Variants in RUBCN observed in about 807,000 individuals in gnomAD.
The protein encoded by RUBCN is run domain Beclin-1-interacting and cysteine-rich domain-containing protein.
Under a neutral mutation model 113.2 loss-of-function variants are expected in RUBCN, and 74 were observed. The ratio of observed to expected loss-of-function variants is 0.65; its 90% CI spans 0.54 to 0.79. RUBCN has a LOEUF of 0.79. RUBCN is among the 30% of genes least tolerant of loss of function. The pLI, the probability that RUBCN is intolerant of heterozygous loss-of-function variation, is 0.00. For missense variants in RUBCN, 1,109 were observed against 1,251.7 expected, an observed-to-expected ratio of 0.89 and a Z score of 1.72; for synonymous variants, 480 against 490.0, an observed-to-expected ratio of 0.98 and a Z score of 0.27.
chr3:197,717,163 G>T (rs1016826522), intron 2 of RUBCN, among the ~76,000 whole-genome samples: 3 of 148,636 alleles, frequency 2.0e-5, no homozygotes, highest in African/African-American at 5.0e-5. Flanking sequence ...AGCTGGGTGC[G>T]GTGGCTCACG....
intron 16 of RUBCN, among the ~76,000 whole-genome samples, 154 bp from the exon 17 acceptor site, chr3:197,677,695 C>T (rs894806448): frequency 2.6e-5 from 4 of 152,238 alleles, no homozygotes; most frequent in Admixed American, 2.6e-4. Flanking sequence ...TGGCTCCAGA[C>T]TGTCCTATGC....
upstream of RUBCN, among the ~76,000 whole-genome samples, chr3:197,739,314 C>G (rs1191141744): frequency 7.1e-6 from 1 of 139,962 alleles, no homozygotes; most frequent in African/African-American, 2.7e-5. Context: ...TGGCTTGAAC[C>G]CAGGAGGCAG....
intron 2 of RUBCN, among the ~76,000 whole-genome samples, chr3:197,707,192 C>T (rs1724404584): frequency 6.6e-6 from 1 of 151,736 alleles, no homozygotes; most frequent in South Asian, 2.1e-4. Context: ...ATTAGCTGGG[C>T]GTGGTGGTGG....
chr3:197,716,786 G>T (rs577273478), intron 2 of RUBCN, among the ~76,000 whole-genome samples: 2 of 152,228 alleles, frequency 1.3e-5, no homozygotes, highest in African/African-American at 4.8e-5. Flanking sequence ...TCATAAGGAG[G>T]GGGGTAGGCA....
At chr3:197,727,294 C>A (rs1368300878) in intron 1 of RUBCN, among the ~76,000 whole-genome samples, 1 of 152,218 alleles carries the variant, frequency 6.6e-6, no homozygotes, top group Non-Finnish European at 1.5e-5. Context: ...AATTCCCTCA[C>A]TGTAAAATGG....
chr3:197,749,715 G>T (rs1728926128), upstream of RUBCN: 1 of 631,282 alleles, frequency 1.6e-6, no homozygotes, highest in South Asian at 1.5e-5. Flanking sequence ...GGCGGTCCTC[G>T]CGAGCGCCTA....
chr3:197,684,269 G>C, intron 11 of RUBCN, 52 bp from the exon 12 acceptor site: 1 of 1,392,190 alleles, frequency 7.2e-7, no homozygotes, highest in Non-Finnish European at 1.0e-6. Context: ...GGTGGGTAAG[G>C]GAACCTGGAA....
chr3:197,696,189 T>C (rs571319313), intron 8 of RUBCN, among the ~76,000 whole-genome samples: 226 of 152,178 alleles, frequency 1.5e-3, no homozygotes, highest in African/African-American at 5.0e-3. Context: ...CTGGCCAACA[T>C]GGTGAAACCC....
upstream of RUBCN, among the ~76,000 whole-genome samples, chr3:197,739,431 T>A (rs191553140): frequency 4.1e-5 from 6 of 145,592 alleles, no homozygotes; most frequent in Admixed American, 1.4e-4. Context: ...TGGTGGCTCA[T>A]GCCTGTAATC....
rs1365789640 is a variant in RUBCN at position 197,696,088 on chromosome 3, G to A, written c.1358-107C>T. 3 of 1,070,346 alleles carry A rather than the reference G, an allele frequency of 2.8e-6. No individual in the cohort carries two copies. In the Admixed American group the frequency reaches 5.8e-5, roughly 21 times the overall value. The allele number at this position is 1,070,346 out of a possible 1,614,324, so 66.3% of individuals were successfully genotyped here. The stretch of plus-strand genomic sequence containing the variant: ...CTTCCCAGGTAACTGGGAATTAGAG[G>A]TTGGAAGAAGATGTCCACCTTCTAA... On this transcript the variant is annotated intron_variant, in intron 8 of 19. Coordinates refer to ENST00000296343, the MANE Select transcript of RUBCN (RefSeq NM_014687.4).
chr3:197,676,908 C>G lies in RUBCN; in HGVS notation c.2623G>C (p.Ala875Pro). Residue 875 changes from alanine (A) to proline (P), a missense_variant, in exon 18 of 20, where the codon GCT (alanine) becomes CCT (proline). Around this residue, in one of 3 missense-constraint regions of RUBCN, gnomAD observed 306 missense variants for 348.9 expected, o/e 0.88. Transcript: ENST00000296343. Reference protein sequence around the residue: ...PRLAELTRAGATHVERCMLCQ... With the variant: ...PRLAELTRAGPTHVERCMLCQ... ...ACCATGCATCTCTCCACATGGGTAG[C>G]CCCTGCCCTGGTGAGCTCAGCAAGC... is the stretch of plus-strand genomic sequence containing the variant. 6.2e-7 allele frequency: 1 copy of G among 1,614,192 alleles called. No homozygotes were observed. The highest frequency in any genetic ancestry group is 8.5e-7 in the Non-Finnish European group (1 of 1,180,038).
At chr3:197,729,593 C>G (rs1017790744) in intron 1 of RUBCN, among the ~76,000 whole-genome samples, 6 of 151,806 alleles carry the variant, frequency 4.0e-5, no homozygotes, top group African/African-American at 1.2e-4. Flanking sequence ...CAGTCTCGAT[C>G]TGTTGCCCAG....
chr3:197,741,628 C>T (rs1364228564), upstream of RUBCN, among the ~76,000 whole-genome samples: 2 of 151,988 alleles, frequency 1.3e-5, no homozygotes, highest in Non-Finnish European at 2.9e-5. Flanking sequence ...GTCAGGAGTT[C>T]AAGAACAGCC....
At chr3:197,694,349 C>T (rs775381138) in intron 10 of RUBCN, 26 bp downstream of exon 10, 4 of 1,607,834 alleles carry the variant, frequency 2.5e-6, no homozygotes, top group Non-Finnish European at 3.4e-6. Context: ...AATGTGGGAA[C>T]AGAAGCATCC....
intron 18 of RUBCN, chr3:197,676,188 A>G (rs1253244086): frequency 1.0e-6 from 1 of 990,278 alleles, no homozygotes; most frequent in Non-Finnish European, 1.2e-6. Flanking sequence ...TATTCTCTTC[A>G]TCTTAGAGCC....
At chr3:197,716,276 C>T (rs563088237) in intron 2 of RUBCN, among the ~76,000 whole-genome samples, 4 of 152,284 alleles carry the variant, frequency 2.6e-5, no homozygotes, top group East Asian at 1.9e-4. Context: ...TACAGGTGCG[C>T]GCCACCACGC....
intron 7 of RUBCN, 22 bp from the exon 8 acceptor site, chr3:197,697,071 G>A (rs374108917): frequency 3.4e-5 from 41 of 1,222,154 alleles, no homozygotes; most frequent in African/African-American, 6.0e-5. Flanking sequence ...GACCACCAGC[G>A]AGTAAAAACA....
Position 197,674,738 on chromosome 3 carries a change from CAG to C in RUBCN, c.*278_*279del, listed in dbSNP as rs1231565342. ...TTGGTCTTGCTGTCTCTTCCACTGA[CAG>C]AGGCACTAGAAGCTTCACTGAAGGA... is the stretch of plus-strand genomic sequence containing the variant. On this transcript the variant is annotated 3_prime_UTR_variant, in exon 20 of 20. Transcript: ENST00000296343. The C allele has an allele frequency of 2.0e-6, 1 of 489,472 alleles. No homozygotes were observed. Among genetic ancestry groups the C allele is most frequent in the Non-Finnish European group, 3.6e-6 (1 of 274,912 alleles). The allele number at this position is 489,472 out of a possible 1,614,324, so 30.3% of individuals were successfully genotyped here.
At position 197,681,968 on chromosome 3, in the gene RUBCN, G is replaced by A. The variant is rs112897051; in HGVS notation, c.2127-69C>T. ...TGAGACCTTGGAGGTGTGAAGGAGT[G>A]AGCACACATACATACAGCTCCAGTT... is the stretch of plus-strand genomic sequence containing the variant. On this transcript the variant is annotated intron_variant, in intron 14 of 19. Transcript: ENST00000296343. This position sits in a 1 kb window ranked among gnomAD's most constrained non-coding sequence, Gnocchi z 5.5. 484 of 1,164,734 alleles carry A rather than the reference G, an allele frequency of 4.2e-4. 4 individuals carry two copies. The African/African-American group carries it at 6.6e-3, about 16-fold the overall frequency. 72.1% of individuals were successfully genotyped at this position (1,164,734 alleles called of 1,614,324 possible). A position where few individuals can be genotyped will look rare whatever the true frequency, so the allele number is the denominator to read the frequency against.
Sources: allele counts gnomAD v4.1 joint callset (sites outside exome capture counted in the v4.1 genomes callset), GRCh38; gene constraint gnomAD v4.1.1; regional missense constraint gnomAD v4.1.1; non-coding constraint Gnocchi (gnomAD v3.1); transcripts MANE v1.5; gene names NCBI Gene and HGNC (gene_info 2026-07-23, HGNC 2026-07-21).